Variants in NRF1 observed in about 807,000 individuals in gnomAD.
NRF1 encodes nuclear respiratory factor 1, also known as alpha palindromic-binding protein.
Under a neutral mutation model 58.5 loss-of-function variants are expected in NRF1, and 5 were observed. The ratio of observed to expected loss-of-function variants is 0.09; its 90% confidence interval spans 0.04 to 0.18. NRF1 has a LOEUF of 0.18. NRF1 is among the 10% of genes least tolerant of loss of function. The pLI is 1.00. For missense variants in NRF1, 288 were observed against 657.7 expected, an observed-to-expected ratio of 0.44 and a Z score of 6.15; for synonymous variants, 224 against 246.7, an observed-to-expected ratio of 0.91 and a Z score of 0.86.
chr7:129,724,344 C>G (rs10243809), intron 9 of NRF1, among the ~76,000 whole-genome samples: 72,784 of 152,078 alleles, frequency 0.48, 17,764 homozygotes, highest in East Asian at 0.78. Context: ...CACCTCACAC[C>G]CATTAAGATG....
intron 8 of NRF1, among the ~76,000 whole-genome samples, chr7:129,716,452 C>T (rs1379335633): frequency 6.6e-6 from 1 of 151,762 alleles, no homozygotes; most frequent in Non-Finnish European, 1.5e-5. Flanking sequence ...ACAACCCAGC[C>T]TATATATTTT....
At position 129,711,592 on chromosome 7, in the gene NRF1, C is replaced by T. The variant is rs748705735; in HGVS notation, c.1065+16C>T. The T allele has an allele frequency of 3.8e-6, 6 of 1,583,696 alleles. No homozygotes were observed. The highest frequency in any genetic ancestry group is 5.2e-6 in the Non-Finnish European group (6 of 1,157,310). Reference sequence around the variant, plus strand: ...TGATGGAGAGGTAAGAAAGAGATTCCATCTGCATCTTCTTAAATACTTGAA... The same window carrying T: ...TGATGGAGAGGTAAGAAAGAGATTCTATCTGCATCTTCTTAAATACTTGAA... On this transcript the variant is annotated intron_variant, in intron 8 of 10. Transcript: ENST00000393232.
intron 5 of NRF1, among the ~76,000 whole-genome samples, chr7:129,704,042 T>TC (rs1320670585): frequency 6.6e-6 from 1 of 151,494 alleles, no homozygotes; most frequent in Non-Finnish European, 1.5e-5. Flanking sequence ...TGCTTGTACA[T>TC]CCCCCCACCC....
chr7:129,716,114 T>G (rs1803183013), intron 8 of NRF1, among the ~76,000 whole-genome samples: 1 of 152,188 alleles, frequency 6.6e-6, no homozygotes, highest in Non-Finnish European at 1.5e-5. Flanking sequence ...ATGTACTGTT[T>G]GTGAAAAAAG....
intron 4 of NRF1, among the ~76,000 whole-genome samples, chr7:129,687,703 A>G (rs1323674272): frequency 6.6e-6 from 1 of 152,258 alleles, no homozygotes; most frequent in African/African-American, 2.4e-5. Context: ...AAACATGTTC[A>G]CATGGCTGCA....
At chr7:129,629,917 A>T (rs1384778453) in intron 1 of NRF1, among the ~76,000 whole-genome samples, 2 of 152,224 alleles carry the variant, frequency 1.3e-5, no homozygotes, top group Admixed American at 1.3e-4. Flanking sequence ...ATATAAATGC[A>T]TTGAGAAAAG....
At chr7:129,631,312 C>T (rs1801043740) in intron 1 of NRF1, among the ~76,000 whole-genome samples, 5 of 151,842 alleles carry the variant, frequency 3.3e-5, no homozygotes, top group Admixed American at 2.6e-4. Flanking sequence ...CTTGATCTCC[C>T]TGACTCAAGC....
In NRF1 at chr7:129,723,346, G is replaced by A. The variant is rs1345763416; in HGVS notation, c.1224-3895G>A. On this transcript the variant is annotated intron_variant, in intron 9 of 10. Coordinates refer to ENST00000393232, the MANE Select transcript of NRF1 (RefSeq NM_005011.5). Reference sequence around the variant, plus strand: ...TAATCCCAGCTACTCGGGAGGCTGAGGCAGGAGAATCGCTTGAACCTGGGA... The same window carrying A: ...TAATCCCAGCTACTCGGGAGGCTGAAGCAGGAGAATCGCTTGAACCTGGGA... Among the ~76,000 whole-genome samples the A allele has an allele frequency of 3.9e-5, 6 of 152,114 alleles. No individual in the cohort carries two copies. In the East Asian group the frequency reaches 1.2e-3, roughly 29 times the overall value.
intron 4 of NRF1, among the ~76,000 whole-genome samples, chr7:129,679,776 G>A (rs1484090272): frequency 6.7e-6 from 1 of 150,032 alleles, no homozygotes; most frequent in African/African-American, 2.5e-5. Context: ...TAGGCAAAAG[G>A]GCCACACACA....
chr7:129,651,697 C>A (rs1018181235), intron 1 of NRF1, among the ~76,000 whole-genome samples: 3 of 152,058 alleles, frequency 2.0e-5, no homozygotes, highest in African/African-American at 7.2e-5. Flanking sequence ...CAGTTTGTCT[C>A]GAAGAACAGT....
At chr7:129,688,707 A>G (rs1802497969) in intron 4 of NRF1, among the ~76,000 whole-genome samples, 1 of 152,090 alleles carries the variant, frequency 6.6e-6, no homozygotes. Context: ...AGAGAGACAA[A>G]GAGAGACAGG....
At chr7:129,711,762 A>C (rs983363783) in intron 8 of NRF1, among the ~76,000 whole-genome samples, 186 bp downstream of exon 8, 3 of 152,222 alleles carry the variant, frequency 2.0e-5, no homozygotes, top group South Asian at 2.1e-4. Context: ...GTAACAATTA[A>C]GATTCATGGA....
At chr7:129,662,413 TGTGTGTGTG>T in intron 2 of NRF1, among the ~76,000 whole-genome samples, 1 of 151,360 alleles carries the variant, frequency 6.6e-6, no homozygotes, top group East Asian at 1.9e-4. Flanking sequence ...TGTGTGTGTG[TGTGTGTGTG>T]TTTCCTCCGA....
At chr7:129,662,042 T>G (rs1801794222) in intron 2 of NRF1, among the ~76,000 whole-genome samples, 1 of 150,314 alleles carries the variant, frequency 6.7e-6, no homozygotes, top group Non-Finnish European at 1.5e-5. Context: ...GCAGTGGAAT[T>G]CCTCTTTTTT....
In NRF1 at chr7:129,754,879, G is replaced by A. The variant is rs904547053; in HGVS notation, c.1349-139G>A. The A allele has an allele frequency of 3.0e-5, 21 of 700,310 alleles. No individual in the cohort carries two copies. In the African/African-American group the frequency reaches 3.1e-4, roughly 10 times the overall value. 43.4% of individuals were successfully genotyped at this position (700,310 alleles called of 1,614,324 possible). ...AATGGGGTGGGAAAGAGATGTCTTTGTGCCTGGGCCATGGGTATGTGATCA... is the reference window on the plus strand; with the variant it reads ...AATGGGGTGGGAAAGAGATGTCTTTATGCCTGGGCCATGGGTATGTGATCA... On this transcript the variant is annotated intron_variant, in intron 10 of 10. Transcript: ENST00000393232.
At chr7:129,743,987 A>G (rs1380274148) in intron 10 of NRF1, among the ~76,000 whole-genome samples, 1 of 152,244 alleles carries the variant, frequency 6.6e-6, no homozygotes, top group Non-Finnish European at 1.5e-5. Context: ...CTGGTGGTCT[A>G]AGTGCACATT....
intron 5 of NRF1, among the ~76,000 whole-genome samples, chr7:129,704,632 A>G (rs1339040394): frequency 6.6e-6 from 1 of 152,208 alleles, no homozygotes; most frequent in African/African-American, 2.4e-5. Flanking sequence ...ACCTAGTGAG[A>G]TATCTTGGGG....
chr7:129,713,207 C>T (rs1377098618), intron 8 of NRF1, among the ~76,000 whole-genome samples: 2 of 149,874 alleles, frequency 1.3e-5, no homozygotes, highest in Non-Finnish European at 3.0e-5. Flanking sequence ...AGCGATTCTT[C>T]TGCCTCAGCC....
intron 1 of NRF1, among the ~76,000 whole-genome samples, chr7:129,627,382 T>C (rs1205266561): frequency 6.6e-6 from 1 of 152,054 alleles, no homozygotes; most frequent in East Asian, 1.9e-4. Context: ...TGGCCATTTT[T>C]TTTTCTTTTT....
Sources: allele counts gnomAD v4.1 joint callset (sites outside exome capture counted in the v4.1 genomes callset), GRCh38; gene constraint gnomAD v4.1.1; transcripts MANE v1.5; gene names NCBI Gene and HGNC (gene_info 2026-07-23, HGNC 2026-07-21).